The following PINX1 variants were observed in gnomAD, a reference collection of about 807,000 sequenced individuals.
The protein encoded by PINX1 is PIN2/TERF1-interacting telomerase inhibitor 1.
A neutral mutation model predicts 25.4 loss-of-function variants in PINX1; 34 were observed. That is an observed-to-expected ratio of 1.34 (90% CI 1.02 to 1.78). The LOEUF (loss-of-function observed/expected upper bound fraction) is 1.78, where lower values mean the gene tolerates loss of function less well. Ranked by LOEUF, PINX1 falls within the 40% of genes most tolerant of loss-of-function variation. PINX1 has a pLI of 0.00. For missense variants in PINX1, 592 were observed against 404.9 expected (o/e 1.46, Z -3.97); for synonymous variants, 197 against 147.7 (o/e 1.33, Z -2.42).
At chr8:10,825,279 T>C (rs1798000653) in intron 5 of PINX1, 1 of 526,758 alleles carries the variant, frequency 1.9e-6, no homozygotes, top group Non-Finnish European at 3.9e-6. Context: ...ATGACATTCC[T>C]AGAAGACCAA....
At chr8:10,811,309 C>T (rs1797515405) in intron 6 of PINX1, among the ~76,000 whole-genome samples, 1 of 152,180 alleles carries the variant, frequency 6.6e-6, no homozygotes, top group Non-Finnish European at 1.5e-5. Context: ...GGCCCTGAAC[C>T]AGTTGCCCTT....
intron 1 of PINX1, among the ~76,000 whole-genome samples, chr8:10,839,293 GCTTTTT>G (rs1798497919): frequency 6.6e-6 from 1 of 152,182 alleles, no homozygotes; most frequent in African/African-American, 2.4e-5. Flanking sequence ...TAACTCCTTT[GCTTTTT>G]CTTTTTCTGG....
At chr8:10,797,117 G>C (rs1403163871) in intron 6 of PINX1, among the ~76,000 whole-genome samples, 3 of 152,124 alleles carry the variant, frequency 2.0e-5, no homozygotes, top group Non-Finnish European at 2.9e-5. Flanking sequence ...GTGACGGAGA[G>C]TGTTGCTGCC....
chr8:10,831,680 C>T lies in PINX1; in HGVS notation c.286G>A (p.Gly96Arg), dbSNP rs1466497271. 6.2e-6 allele frequency: 10 copies of T among 1,600,602 alleles called. No homozygotes were observed. Among genetic ancestry groups the T allele is most frequent in the Non-Finnish European group, 8.5e-6 (10 of 1,170,944 alleles). The change falls in exon 4 of 7, where the codon GGG (glycine) becomes AGG (arginine). Residue 96 changes from glycine to arginine, a missense_variant. Gly to Arg is a moderately radical substitution (Grantham distance 125). Transcript: ENST00000314787. Reference protein sequence around the residue: ...QLLAELNTCHGQETTDSSDKK... With the variant: ...QLLAELNTCHRQETTDSSDKK... Reference sequence around the variant, plus strand: ...ATTTCCCTACCTGTGGTTTCCTGCCCATGGCAAGTGTTCAGTTCGGCCAGA... The same window carrying T: ...ATTTCCCTACCTGTGGTTTCCTGCCTATGGCAAGTGTTCAGTTCGGCCAGA...
At chr8:10,804,905 C>G (rs1043580773) in intron 6 of PINX1, among the ~76,000 whole-genome samples, 4 of 151,790 alleles carry the variant, frequency 2.6e-5, no homozygotes, top group African/African-American at 9.7e-5. Flanking sequence ...TATGAAGTGA[C>G]CCTGCCTATA....
chr8:10,781,407 G>C (rs556211253), intron 6 of PINX1, among the ~76,000 whole-genome samples: 2 of 152,104 alleles, frequency 1.3e-5, no homozygotes, highest in Admixed American at 1.3e-4. Flanking sequence ...ACAATGAAAA[G>C]GCAACCTACA....
intron 6 of PINX1, among the ~76,000 whole-genome samples, chr8:10,807,585 G>A (rs1161809773): frequency 6.6e-6 from 1 of 152,076 alleles, no homozygotes; most frequent in Non-Finnish European, 1.5e-5. Flanking sequence ...AGCATGTTAA[G>A]ATTCTAAAAC....
chr8:10,785,049 G>C (rs576938251), intron 6 of PINX1, among the ~76,000 whole-genome samples: 1 of 151,966 alleles, frequency 6.6e-6, no homozygotes, highest in Admixed American at 6.6e-5. Flanking sequence ...CATAAAGAGC[G>C]TATCATTTAA....
chr8:10,800,800 C>G (rs1175380346), intron 6 of PINX1, among the ~76,000 whole-genome samples: 1 of 152,190 alleles, frequency 6.6e-6, no homozygotes, highest in African/African-American at 2.4e-5. Context: ...TAATGTTACA[C>G]TAGCCCCAAA....
chr8:10,798,995 G>C (rs969548224), intron 6 of PINX1, among the ~76,000 whole-genome samples: 3 of 152,176 alleles, frequency 2.0e-5, no homozygotes, highest in Non-Finnish European at 4.4e-5. Context: ...AGAAAAATGA[G>C]TTTGTACTCA....
At chr8:10,783,168 G>C (rs1337999702) in intron 6 of PINX1, among the ~76,000 whole-genome samples, 1 of 152,160 alleles carries the variant, frequency 6.6e-6, no homozygotes, top group Non-Finnish European at 1.5e-5. Flanking sequence ...TGACATTTAT[G>C]AACATTGAGC....
chr8:10,788,822 G>C (rs1472463189), intron 6 of PINX1, among the ~76,000 whole-genome samples: 1 of 152,212 alleles, frequency 6.6e-6, no homozygotes, highest in Non-Finnish European at 1.5e-5. Flanking sequence ...CAGCAAAGCG[G>C]TGGGTTTCCC....
At chr8:10,838,375 C>T (rs959762770) in intron 1 of PINX1, among the ~76,000 whole-genome samples, 3 of 152,226 alleles carry the variant, frequency 2.0e-5, no homozygotes, top group African/African-American at 7.2e-5. Flanking sequence ...TGAAAACACT[C>T]TCTTGAAATC....
intron 6 of PINX1, among the ~76,000 whole-genome samples, chr8:10,768,228 AG>A (rs1162327259): frequency 6.6e-6 from 1 of 152,224 alleles, no homozygotes; most frequent in Non-Finnish European, 1.5e-5. Context: ...GCAGCACTAC[AG>A]GAGCCTGCAG....
At chr8:10,805,959 GGCC>G (rs1563221489) in intron 6 of PINX1, among the ~76,000 whole-genome samples, 1 of 47,628 alleles carries the variant, frequency 2.1e-5, no homozygotes, top group African/African-American at 1.4e-4. Flanking sequence ...CACAGGAAGG[GGCC>G]ACACTAGTGC....
intron 6 of PINX1, chr8:10,787,506 G>A (rs1269294142): frequency 2.0e-5 from 4 of 202,544 alleles, no homozygotes; most frequent in East Asian, 1.5e-4. Flanking sequence ...GATTACAGGC[G>A]TGAGCTACCA....
intron 6 of PINX1, among the ~76,000 whole-genome samples, chr8:10,794,823 C>G (rs6601526): frequency 1 from 151,871 of 152,344 alleles, 75,712 homozygotes; most frequent in Middle Eastern, 1. Flanking sequence ...TTTTAAGATT[C>G]CATTTTGTTT....
At chr8:10,787,843 A>T (rs1419750638) in intron 6 of PINX1, 1 of 456,118 alleles carries the variant, frequency 2.2e-6, no homozygotes, top group Non-Finnish European at 4.4e-6. Context: ...GAAAAAAGAG[A>T]GAAGGAATGA....
intron 4 of PINX1, 23 bp from the exon 5 acceptor site, chr8:10,826,267 A>T (rs1431711616): frequency 5.5e-6 from 7 of 1,270,186 alleles, no homozygotes; most frequent in Non-Finnish European, 6.7e-6. Flanking sequence ...TGAAAAAAAT[A>T]CATTAAAGTC....
Sources: allele counts gnomAD v4.1 joint callset (sites outside exome capture counted in the v4.1 genomes callset), GRCh38; gene constraint gnomAD v4.1.1; transcripts MANE v1.5; gene names NCBI Gene and HGNC (gene_info 2026-07-23, HGNC 2026-07-21).